The following NPAS3 variants were observed in gnomAD, a reference collection of about 807,000 sequenced individuals.
NPAS3 encodes neuronal PAS domain-containing protein 3.
Under a neutral mutation model 73.1 loss-of-function variants are expected in NPAS3, and 14 were observed. That is an observed-to-expected ratio of 0.19 (90% CI 0.13 to 0.30). The LOEUF (loss-of-function observed/expected upper bound fraction) is 0.30, where lower values mean the gene tolerates loss of function less well. Among genes scored for constraint, NPAS3 ranks in the 10% least tolerant of loss-of-function variants. The pLI is 1.00. For missense variants in NPAS3, 1,096 were observed against 1,250.0 expected (o/e 0.88, Z 1.86); for synonymous variants, 620 against 541.5 (o/e 1.14, Z -2.01).
At chr14:33,161,204 A>G (rs190604756) in intron 2 of NPAS3, among the ~76,000 whole-genome samples, 4 of 152,348 alleles carry the variant, frequency 2.6e-5, no homozygotes, top group Admixed American at 2.0e-4. Context: ...TATTTTCTGT[A>G]TAGTTTCCTG....
intron 1 of NPAS3, among the ~76,000 whole-genome samples, chr14:32,946,356 A>ACACG (rs1785080163): frequency 6.7e-6 from 1 of 148,578 alleles, no homozygotes; most frequent in African/African-American, 2.6e-5. Context: ...GCGCACACAC[A>ACACG]CACACACACA....
chr14:33,298,668 A>C (rs997529459), intron 3 of NPAS3, among the ~76,000 whole-genome samples: 2 of 152,214 alleles, frequency 1.3e-5, no homozygotes, highest in African/African-American at 2.4e-5. Context: ...TACTATGCAC[A>C]GAGATGTAAT....
At chr14:32,938,449 C>CA (rs751847656), upstream of NPAS3, among the ~76,000 whole-genome samples, 1 of 78,376 alleles carries the variant, frequency 1.3e-5, no homozygotes, top group Non-Finnish European at 2.6e-5. Context: ...CCCAGTCCCC[C>CA]AACGAGAAAG....
At chr14:32,967,869 G>A (rs1283413499) in intron 1 of NPAS3, among the ~76,000 whole-genome samples, 1 of 151,908 alleles carries the variant, frequency 6.6e-6, no homozygotes, top group East Asian at 1.9e-4. Context: ...AATATGTTGA[G>A]GAGATATCAT....
intron 2 of NPAS3, among the ~76,000 whole-genome samples, chr14:33,186,702 C>T (rs1366388617): frequency 6.6e-6 from 1 of 152,216 alleles, no homozygotes; most frequent in African/African-American, 2.4e-5. Flanking sequence ...ACTGTTCACT[C>T]CCTTATCCCA....
chr14:33,397,801 A>G (rs1048743631), intron 4 of NPAS3, among the ~76,000 whole-genome samples: 1 of 152,160 alleles, frequency 6.6e-6, no homozygotes, highest in African/African-American at 2.4e-5. Flanking sequence ...GCTTTTGACC[A>G]CTGCGCTCTG....
At chr14:33,420,281 G>A (rs2048317203) in intron 4 of NPAS3, among the ~76,000 whole-genome samples, 1 of 151,952 alleles carries the variant, frequency 6.6e-6, no homozygotes, top group Non-Finnish European at 1.5e-5. Flanking sequence ...CAGCCACCAT[G>A]TGTAGTATTG....
chr14:33,197,985 C>G (rs888039278), intron 2 of NPAS3, among the ~76,000 whole-genome samples: 14 of 152,298 alleles, frequency 9.2e-5, no homozygotes, highest in African/African-American at 3.4e-4. Context: ...GGTTCATGGT[C>G]TCACTGGCTT....
intron 5 of NPAS3, among the ~76,000 whole-genome samples, chr14:33,675,229 A>G (rs1009974615): frequency 2.0e-5 from 3 of 152,218 alleles, no homozygotes; most frequent in African/African-American, 7.2e-5. Context: ...TTGTATGTGC[A>G]TGTAATGTAG....
chr14:33,359,478 AC>A (rs2045492810), intron 3 of NPAS3, among the ~76,000 whole-genome samples: 1 of 151,432 alleles, frequency 6.6e-6, no homozygotes, highest in South Asian at 2.1e-4. Context: ...GGTAATCTCC[AC>A]CCCCTTCCTA....
chr14:33,351,711 T>C (rs1236913051), intron 3 of NPAS3, among the ~76,000 whole-genome samples: 1 of 152,212 alleles, frequency 6.6e-6, no homozygotes, highest in Non-Finnish European at 1.5e-5. Flanking sequence ...TCTTGAGGAT[T>C]TTCATATATG....
chr14:33,677,545 TAACTC>T (rs1237405239), intron 6 of NPAS3, among the ~76,000 whole-genome samples: 2 of 151,934 alleles, frequency 1.3e-5, no homozygotes, highest in Non-Finnish European at 2.9e-5. Context: ...AACATTAAAA[TAACTC>T]AACATACTTC....
chr14:33,697,676 G>C (rs1412330257), intron 6 of NPAS3, among the ~76,000 whole-genome samples: 2 of 152,132 alleles, frequency 1.3e-5, no homozygotes, highest in Non-Finnish European at 2.9e-5. Flanking sequence ...AGTGTGCCTC[G>C]AAGTTGTAAC....
intron 3 of NPAS3, among the ~76,000 whole-genome samples, chr14:33,315,054 A>C (rs1375080377): frequency 6.6e-6 from 1 of 152,070 alleles, no homozygotes; most frequent in East Asian, 1.9e-4. Context: ...CTGTGTAAAT[A>C]CTGTAGGGGT....
intron 7 of NPAS3, among the ~76,000 whole-genome samples, chr14:33,764,777 T>C (rs892674359): frequency 3.3e-5 from 5 of 152,242 alleles, no homozygotes; most frequent in African/African-American, 1.2e-4. Flanking sequence ...AGTAGTACAA[T>C]GGGCCTCTGT....
chr14:33,645,701 G>C (rs1229904602), intron 5 of NPAS3, among the ~76,000 whole-genome samples: 2 of 152,160 alleles, frequency 1.3e-5, no homozygotes, highest in Non-Finnish European at 2.9e-5. Context: ...AGTAATTCAA[G>C]GACTCTCTCT....
chr14:33,163,768 A>T (rs114292176), intron 2 of NPAS3, among the ~76,000 whole-genome samples: 6 of 152,028 alleles, frequency 3.9e-5, no homozygotes, highest in Admixed American at 1.3e-4. Context: ...AATTCTGCTG[A>T]TGGGCTTACA....
chr14:33,271,472 CAA>C (rs1428089684), intron 3 of NPAS3, among the ~76,000 whole-genome samples: 1 of 152,028 alleles, frequency 6.6e-6, no homozygotes, highest in Non-Finnish European at 1.5e-5. Context: ...AGGCCAGAGA[CAA>C]GAGAGCAGGA....
At chr14:33,779,409 A>C (rs892676765) in intron 9 of NPAS3, among the ~76,000 whole-genome samples, 2 of 152,156 alleles carry the variant, frequency 1.3e-5, no homozygotes, top group Admixed American at 1.3e-4. Context: ...ATGACCATTC[A>C]GGAGATTCTT....
Sources: gnomAD v4.1 joint callset for allele counts (sites outside exome capture counted in the v4.1 genomes callset) on GRCh38, gnomAD v4.1.1 for gene constraint, MANE v1.5 for transcripts, NCBI Gene and HGNC (gene_info 2026-07-23, HGNC 2026-07-21) for gene names.